Variants in DTX2 observed in about 807,000 individuals in gnomAD.
DTX2 encodes the protein probable E3 ubiquitin-protein ligase DTX2.
Under a neutral mutation model 55.3 loss-of-function variants are expected in DTX2, and 29 were observed. The observed-to-expected ratio is 0.52, with a 90% confidence interval of 0.39 to 0.71. The LOEUF is 0.71. DTX2 is among the 30% of genes least tolerant of loss of function. DTX2 has a pLI of 0.00. For missense variants in DTX2, 537 were observed against 822.5 expected (o/e 0.65, Z 4.25); for synonymous variants, 276 against 340.4 (o/e 0.81, Z 2.08).
At chr7:76,498,809 T>TG (rs765638612) in intron 6 of DTX2, among the ~76,000 whole-genome samples, 25,349 of 121,134 alleles carry the variant, frequency 0.21, 59 homozygotes, top group Non-Finnish European at 0.27. Flanking sequence ...TGTGGAGGTG[T>TG]GGGGTGTGTG....
chr7:76,488,572 C>T (rs1369685038), intron 4 of DTX2, among the ~76,000 whole-genome samples: 1 of 83,232 alleles, frequency 1.2e-5, no homozygotes, highest in Non-Finnish European at 2.4e-5. Context: ...GTTGCAGAGA[C>T]CATCAGAGAT....
intron 7 of DTX2, among the ~76,000 whole-genome samples, chr7:76,501,063 A>G (rs1402814949): frequency 1.4e-5 from 2 of 146,224 alleles, no homozygotes; most frequent in African/African-American, 5.1e-5. Context: ...CTTCCATAGA[A>G]CCTGAACCTC....
At chr7:76,468,865 T>TGATTCTCCTGCCCCAGCCTCCCA (rs1807518822) in intron 2 of DTX2, among the ~76,000 whole-genome samples, 1 of 134,224 alleles carries the variant, frequency 7.5e-6, no homozygotes, top group Non-Finnish European at 1.6e-5. Context: ...TGGGTTCAAG[T>TGATTCTCCTGCCCCAGCCTCCCA]GATTCTCCTG....
At chr7:76,468,192 T>C in intron 2 of DTX2, among the ~76,000 whole-genome samples, 1 of 152,274 alleles carries the variant, frequency 6.6e-6, no homozygotes, top group Non-Finnish European at 1.5e-5. Flanking sequence ...GCTGTTGGCA[T>C]GCTGCCTGCT....
At chr7:76,463,361 C>T (rs1372238718) in intron 1 of DTX2, 184 bp from the exon 2 acceptor site, 2 of 152,232 alleles carry the variant, frequency 1.3e-5, no homozygotes, top group Admixed American at 6.5e-5. Context: ...TCAACCATCT[C>T]CTTGATTGTT....
At chr7:76,480,190 A>T (rs1187278606) in intron 2 of DTX2, among the ~76,000 whole-genome samples, 1 of 145,444 alleles carries the variant, frequency 6.9e-6, no homozygotes, top group Non-Finnish European at 1.5e-5. Flanking sequence ...CTATTGTCCC[A>T]GCTGCTCTGG....
intron 2 of DTX2, among the ~76,000 whole-genome samples, chr7:76,469,051 T>C (rs1638095): frequency 0.44 from 41,449 of 94,836 alleles, 10,217 homozygotes; most frequent in African/African-American, 0.59. Context: ...AGGCGTGAGC[T>C]ACCGCATTCA....
Position 76,505,516 on chromosome 7 carries a change from G to A in DTX2, c.1784G>A (p.Gly595Asp). Residue 595 changes from glycine (G) to aspartate (D), a missense_variant, in exon 11 of 11, where the codon GGC (glycine) becomes GAC (aspartate). By Grantham distance (94) the Gly-to-Asp change is moderately conservative (BLOSUM62 -1). This residue lies in a region of DTX2 where 59 missense variants were observed against 54.1 expected (regional missense o/e 1.09). Coordinates refer to ENST00000430490, the MANE Select transcript of DTX2 (RefSeq NM_001102594.3). This position sits in a 1 kb window ranked among gnomAD's most constrained non-coding sequence, Gnocchi z 4.4. The part of the protein sequence containing the change: ...TEMDRNITGH[G>D]YPDPNYLQNV... ...ATGGACCGCAACATTACGGGCCACG[G>A]CTATCCCGACCCCAACTACCTGCAG... The A allele has an allele frequency of 6.2e-7, 1 of 1,609,522 alleles. No individual in the cohort carries two copies. Among genetic ancestry groups the A allele is most frequent in the South Asian group, 1.1e-5 (1 of 90,118 alleles).
At chr7:76,471,374 G>A (rs1374213370) in intron 2 of DTX2, among the ~76,000 whole-genome samples, 2 of 149,996 alleles carry the variant, frequency 1.3e-5, no homozygotes, top group African/African-American at 2.5e-5. Flanking sequence ...TGTTAGCCAC[G>A]ATGGTCTCGA....
chr7:76,502,414 C>G lies in DTX2; in HGVS notation c.1347C>G (p.Phe449Leu), dbSNP rs1421564893. 1 of 1,612,592 alleles carries G rather than the reference C, an allele frequency of 6.2e-7. No individual in the cohort carries two copies. Among genetic ancestry groups the G allele is most frequent in the Non-Finnish European group, 8.5e-7 (1 of 1,179,972 alleles). ...ACCTCACCAAGTGCAGCCATGCCTT[C>G]CACCTGCTGTGCCTCCTGGCCATGT... is the stretch of plus-strand genomic sequence containing the variant. The part of the protein sequence containing the change: ...VGHLTKCSHA[F>L]HLLCLLAMYC... The change falls in exon 8 of 11, where the codon TTC becomes TTG. Residue 449 changes from phenylalanine to leucine, a missense_variant. Around this residue, in one of 7 missense-constraint regions of DTX2, gnomAD observed 121 missense variants for 136.8 expected, o/e 0.88. Transcript: ENST00000430490.
At chr7:76,475,406 C>A (rs1017837840) in intron 2 of DTX2, among the ~76,000 whole-genome samples, 1 of 143,620 alleles carries the variant, frequency 7.0e-6, no homozygotes, top group Non-Finnish European at 1.5e-5. Context: ...GAAAGAATAG[C>A]CCAGGTGCAG....
Position 76,483,157 on chromosome 7 carries a change from G to T in DTX2, c.908+10G>T, listed in dbSNP as rs1458981679. ...CCTCCGGTGCAGTCAGGTATCGTGGGCAACGGCCGCTCGTTTTGTCTGCCC... is the reference window on the plus strand; with the variant it reads ...CCTCCGGTGCAGTCAGGTATCGTGGTCAACGGCCGCTCGTTTTGTCTGCCC... On this transcript the variant is annotated intron_variant, in intron 4 of 10. Transcript: ENST00000430490. 3.7e-6 allele frequency: 6 copies of T among 1,605,018 alleles called. No homozygotes were observed. The highest frequency in any genetic ancestry group is 5.1e-6 in the Non-Finnish European group (6 of 1,177,426).
intron 4 of DTX2, 146 bp from the exon 5 acceptor site, chr7:76,492,007 C>T: frequency 3.8e-6 from 2 of 520,180 alleles, no homozygotes; most frequent in Non-Finnish European, 6.8e-6. Context: ...GAAAACAAAA[C>T]CAAAGGCCTC....
chr7:76,488,911 G>C (rs1230714206), intron 4 of DTX2, among the ~76,000 whole-genome samples: 3 of 102,112 alleles, frequency 2.9e-5, no homozygotes, highest in African/African-American at 1.5e-4. Flanking sequence ...AAAAAAAAGT[G>C]GGGGGAAGAG....
chr7:76,463,631 TCAAA>T lies in DTX2; in HGVS notation c.-164_-161del, dbSNP rs1346815149. 1 of 150,888 alleles carries T rather than the reference TCAAA, an allele frequency of 6.6e-6. No homozygotes were observed. The highest frequency in any genetic ancestry group is 1.5e-5 in the Non-Finnish European group (1 of 67,866). The allele number at this position is 150,888 out of a possible 1,614,324, so 9.3% of individuals were successfully genotyped here. On this transcript the variant is annotated 5_prime_UTR_variant, in exon 2 of 11. It removes the in-frame stop codon of an upstream open reading frame in the 5' UTR. Transcript: ENST00000430490. Reference sequence around the variant, plus strand: ...TTGTGGTTTGTATCAAGATGGGAACTCAAACAAGTCATTCCTCCTAAGGAGCTGG... The same window carrying T: ...TTGTGGTTTGTATCAAGATGGGAACTCAAGTCATTCCTCCTAAGGAGCTGG...
At chr7:76,464,535 G>T (rs1415463094) in intron 2 of DTX2, among the ~76,000 whole-genome samples, 2 of 150,766 alleles carry the variant, frequency 1.3e-5, no homozygotes, top group Non-Finnish European at 2.9e-5. Flanking sequence ...TGGGCTCTGG[G>T]GTAGCTGAGG....
At chr7:76,499,516 T>C (rs1811397996) in intron 6 of DTX2, among the ~76,000 whole-genome samples, 1 of 151,578 alleles carries the variant, frequency 6.6e-6, no homozygotes, top group South Asian at 2.1e-4. Context: ...CCAGAGCCCC[T>C]TCTGGTCCTG....
Position 76,483,115 on chromosome 7 carries a change from G to T in DTX2, c.876G>T (p.Leu292=). Residue 292 remains leucine, a synonymous_variant, in exon 4 of 11, where the codon CTG becomes CTT. Transcript: ENST00000430490. ...SSLSHLGPQH[L]PPGSSTSGAV... The stretch of plus-strand genomic sequence containing the variant: ...TCTCCCACCTGGGACCGCAGCACCT[G>T]CCCCCAGGATCCTCCACCTCCGGTG... 3 of 1,612,472 alleles carry T rather than the reference G, an allele frequency of 1.9e-6. No homozygotes were observed. The highest frequency in any genetic ancestry group is 2.5e-6 in the Non-Finnish European group (3 of 1,179,688).
intron 2 of DTX2, among the ~76,000 whole-genome samples, chr7:76,475,609 C>T (rs991753458): frequency 6.6e-6 from 1 of 151,136 alleles, no homozygotes; most frequent in African/African-American, 2.4e-5. Context: ...ACTGCTTGAA[C>T]CCGGGAGGCG....
Sources: gnomAD v4.1 joint callset for allele counts (sites outside exome capture counted in the v4.1 genomes callset) on GRCh38, gnomAD v4.1.1 for gene constraint, gnomAD v4.1.1 regional missense constraint, Gnocchi (gnomAD v3.1) non-coding constraint, MANE v1.5 for transcripts, NCBI Gene and HGNC (gene_info 2026-07-23, HGNC 2026-07-21) for gene names.